PDE3B: variants seen among roughly 807,000 people sequenced by gnomAD.
PDE3B encodes the protein phosphodiesterase 3B.
PDE3B carries 66 observed loss-of-function variants against 116.8 expected under a neutral mutation model. The observed-to-expected ratio is 0.56, with a 90% CI of 0.46 to 0.69. The LOEUF (loss-of-function observed/expected upper bound fraction) is 0.69. Among genes scored for constraint, PDE3B ranks in the 30% least tolerant of loss-of-function variants. The pLI, the probability that PDE3B is intolerant of heterozygous loss-of-function variation, is 0.00. For missense variants in PDE3B, 1,384 were observed against 1,368.1 expected (o/e 1.01, Z -0.18); for synonymous variants, 595 against 533.6 (o/e 1.12, Z -1.59).
chr11:14,672,028 A>AAAT (rs1554980090), intron 1 of PDE3B, among the ~76,000 whole-genome samples: 164 of 140,792 alleles, frequency 1.2e-3, no homozygotes, highest in African/African-American at 4.2e-3. Flanking sequence ...AAAAAAAAAA[A>AAAT]ATATATATAT....
intron 12 of PDE3B, among the ~76,000 whole-genome samples, chr11:14,855,369 A>T (rs1212942343): frequency 6.6e-6 from 1 of 152,166 alleles, no homozygotes; most frequent in Non-Finnish European, 1.5e-5. Context: ...AGAATTCCCG[A>T]GAAGATGAAA....
chr11:14,665,013 C>G (rs996844382), intron 1 of PDE3B, among the ~76,000 whole-genome samples: 1 of 152,164 alleles, frequency 6.6e-6, no homozygotes, highest in African/African-American at 2.4e-5. Context: ...ATGCAAAAAT[C>G]CTCAATAAAA....
At chr11:14,721,262 A>T (rs1856065715) in intron 1 of PDE3B, among the ~76,000 whole-genome samples, 1 of 152,202 alleles carries the variant, frequency 6.6e-6, no homozygotes, top group Non-Finnish European at 1.5e-5. Flanking sequence ...ATCATTAAAA[A>T]GTCAGGAAAC....
intron 1 of PDE3B, among the ~76,000 whole-genome samples, chr11:14,658,655 T>C (rs893296759): frequency 6.6e-6 from 1 of 152,222 alleles, no homozygotes; most frequent in African/African-American, 2.4e-5. Flanking sequence ...GCGCCAGATG[T>C]CACCTTTCTT....
At chr11:14,824,950 G>T (rs1565153620) in intron 7 of PDE3B, among the ~76,000 whole-genome samples, 1 of 151,486 alleles carries the variant, frequency 6.6e-6, no homozygotes, top group Non-Finnish European at 1.5e-5. Flanking sequence ...AACCCTACAA[G>T]CCAGAAGAGC....
In PDE3B at chr11:14,697,605, A is replaced by G. The variant is rs112885158; in HGVS notation, c.978+52552A>G. On this transcript the variant is annotated intron_variant, in intron 1 of 15. Transcript: ENST00000282096. The stretch of plus-strand genomic sequence containing the variant: ...TGTAATTTTTAGGATCCTTAGGTCA[A>G]TTTCCACAAAAAAACTTAATGGAAT... Among the ~76,000 whole-genome samples, 759 of 152,232 alleles carry G rather than the reference A, an allele frequency of 5.0e-3. 10 individuals are homozygous for G. Among genetic ancestry groups the G allele is most frequent in the African/African-American group, 0.018 (740 of 41,560 alleles).
chr11:14,844,723 C>G (rs1308277081), intron 12 of PDE3B, among the ~76,000 whole-genome samples: 1 of 152,228 alleles, frequency 6.6e-6, no homozygotes, highest in African/African-American at 2.4e-5. Flanking sequence ...GCCACGGAGT[C>G]TCGCTGATTG....
intron 14 of PDE3B, 112 bp downstream of exon 14, chr11:14,861,478 G>T: frequency 3.2e-6 from 3 of 944,806 alleles, no homozygotes; most frequent in Non-Finnish European, 4.9e-6. Context: ...TGCTTTGACT[G>T]GGAAGGGTTA....
In PDE3B at chr11:14,644,212, G is replaced by A. The variant is rs1554975217; in HGVS notation, c.137G>A (p.Gly46Asp). The A allele has an allele frequency of 1.3e-5, 21 of 1,593,938 alleles. No individual in the cohort carries two copies. Among genetic ancestry groups the A allele is most frequent in the Non-Finnish European group, 1.4e-5 (17 of 1,176,588 alleles). Reference sequence around the variant, plus strand: ...CCCTTGCGGCAGGACCCTCCGCGCGGCTTCTTCTTCCACCTCTGCCGCTTC... The same window carrying A: ...CCCTTGCGGCAGGACCCTCCGCGCGACTTCTTCTTCCACCTCTGCCGCTTC... The part of the protein sequence containing the change: ...VSPLRQDPPR[G>D]FFFHLCRFCN... Residue 46 changes from glycine to aspartate, a missense_variant, in exon 1 of 16, where the codon GGC becomes GAC. Coordinates refer to ENST00000282096, the MANE Select transcript of PDE3B (RefSeq NM_000922.4).
chr11:14,864,355 G>T (rs1211588817), intron 14 of PDE3B, among the ~76,000 whole-genome samples: 3 of 152,050 alleles, frequency 2.0e-5, no homozygotes, highest in Non-Finnish European at 4.4e-5. Context: ...AAATAATAGT[G>T]GGAGATTTTA....
chr11:14,855,000 A>C (rs1168185754), intron 12 of PDE3B, among the ~76,000 whole-genome samples: 1 of 152,204 alleles, frequency 6.6e-6, no homozygotes, highest in African/African-American at 2.4e-5. Flanking sequence ...TGCATCCATA[A>C]AGTAAGAACA....
chr11:14,807,262 T>TA (rs1291928685), intron 5 of PDE3B, among the ~76,000 whole-genome samples: 2 of 151,924 alleles, frequency 1.3e-5, no homozygotes, highest in Non-Finnish European at 2.9e-5. Context: ...ATAATAATAA[T>TA]AAAAAAATTG....
At chr11:14,769,511 A>C (rs1191950808) in intron 1 of PDE3B, among the ~76,000 whole-genome samples, 1 of 150,566 alleles carries the variant, frequency 6.6e-6, no homozygotes, top group African/African-American at 2.4e-5. Flanking sequence ...ATAAGCTAAG[A>C]TGAGATTGCT....
At chr11:14,849,416 G>C (rs76769850) in intron 12 of PDE3B, among the ~76,000 whole-genome samples, 35 of 150,808 alleles carry the variant, frequency 2.3e-4, no homozygotes, top group East Asian at 3.9e-4. Flanking sequence ...CCATTCAGGA[G>C]ATAGGCATGG....
At chr11:14,731,256 T>A in intron 1 of PDE3B, among the ~76,000 whole-genome samples, 1 of 113,848 alleles carries the variant, frequency 8.8e-6, no homozygotes, top group South Asian at 2.9e-4. Flanking sequence ...TTTACTTTGA[T>A]TTTTTTTTTT....
At chr11:14,825,715 A>G (rs1483348304) in intron 7 of PDE3B, among the ~76,000 whole-genome samples, 1 of 152,232 alleles carries the variant, frequency 6.6e-6, no homozygotes, top group Non-Finnish European at 1.5e-5. Context: ...CACTGACAGT[A>G]TTAGGTCACT....
At chr11:14,682,193 CA>C (rs1854730800) in intron 1 of PDE3B, among the ~76,000 whole-genome samples, 1 of 152,104 alleles carries the variant, frequency 6.6e-6, no homozygotes. Flanking sequence ...TAGTCTGTCT[CA>C]GGGGTGGCAG....
At position 14,869,893 on chromosome 11, in the gene PDE3B, G is replaced by C; in HGVS notation, c.*233G>C. On this transcript the variant is annotated 3_prime_UTR_variant, in exon 16 of 16. Coordinates refer to ENST00000282096, the MANE Select transcript of PDE3B (RefSeq NM_000922.4). ...AAAAATACCATCCGTGTTGACCCAT[G>C]TTGCAGAGCCCTTACTTAAATCCTT... is the stretch of plus-strand genomic sequence containing the variant. 2.5e-6 allele frequency: 1 copy of C among 407,488 alleles called. No individual in the cohort carries two copies. Among genetic ancestry groups the C allele is most frequent in the South Asian group, 4.4e-5 (1 of 22,568 alleles). 25.2% of individuals were successfully genotyped at this position (407,488 alleles called of 1,614,324 possible).
chr11:14,731,603 A>G (rs1856461063), intron 1 of PDE3B, among the ~76,000 whole-genome samples: 1 of 152,132 alleles, frequency 6.6e-6, no homozygotes, highest in Admixed American at 6.6e-5. Flanking sequence ...TACTTGTATA[A>G]TGTCATTTTT....
Sources: allele counts gnomAD v4.1 joint callset (sites outside exome capture counted in the v4.1 genomes callset), GRCh38; gene constraint gnomAD v4.1.1; transcripts MANE v1.5; gene names NCBI Gene and HGNC (gene_info 2026-07-23, HGNC 2026-07-21).